Variants in MEF2A observed in about 807,000 individuals in gnomAD.
MEF2A encodes the protein myocyte enhancer factor 2A.
In MEF2A, 28 loss-of-function variants were observed where a neutral mutation model predicts 55.8. The ratio of observed to expected loss-of-function variants is 0.50; its 90% CI spans 0.37 to 0.69. The LOEUF (loss-of-function observed/expected upper bound fraction) is 0.69. Among genes scored for constraint, MEF2A ranks in the 30% least tolerant of loss-of-function variants. MEF2A has a pLI of 0.00. For synonymous variants in MEF2A, 239 were observed against 227.1 expected, an observed-to-expected ratio of 1.05 and a Z score of -0.47; for missense variants, 528 against 626.2, an observed-to-expected ratio of 0.84 and a Z score of 1.67.
intron 1 of MEF2A, among the ~76,000 whole-genome samples, chr15:99,568,983 A>C (rs1187428822): frequency 6.6e-6 from 1 of 152,234 alleles, no homozygotes; most frequent in Non-Finnish European, 1.5e-5. Context: ...TGGAGAAGTG[A>C]GTGCCTTCTC....
At chr15:99,604,012 A>G (rs1386526288) in intron 2 of MEF2A, among the ~76,000 whole-genome samples, 2 of 152,146 alleles carry the variant, frequency 1.3e-5, no homozygotes, top group Non-Finnish European at 2.9e-5. Context: ...AGTTTGTGAA[A>G]TAGTTTGCAT....
chr15:99,621,363 A>G (rs752875150), intron 2 of MEF2A, among the ~76,000 whole-genome samples: 1 of 151,348 alleles, frequency 6.6e-6, no homozygotes, highest in African/African-American at 2.4e-5. Context: ...TTATTTGTAT[A>G]TTTTTCTCAT....
chr15:99,639,722 C>T (rs977778321), intron 3 of MEF2A, among the ~76,000 whole-genome samples: 3 of 151,966 alleles, frequency 2.0e-5, no homozygotes, highest in African/African-American at 7.3e-5. Flanking sequence ...TATACTTTGC[C>T]TTTCCTTCTT....
intron 1 of MEF2A, among the ~76,000 whole-genome samples, chr15:99,584,031 G>T (rs1382871183): frequency 6.6e-6 from 1 of 152,086 alleles, no homozygotes; most frequent in African/African-American, 2.4e-5. Context: ...TTACTCTGCT[G>T]AATAGTGTAG....
chr15:99,654,981 T>C (rs771949586), intron 4 of MEF2A, among the ~76,000 whole-genome samples: 1 of 152,194 alleles, frequency 6.6e-6, no homozygotes, highest in Non-Finnish European at 1.5e-5. Context: ...CCACAGCAGA[T>C]GTTCTAAAAT....
chr15:99,602,521 T>A (rs545455095), intron 2 of MEF2A, among the ~76,000 whole-genome samples: 34 of 152,246 alleles, frequency 2.2e-4, no homozygotes, highest in Non-Finnish European at 2.4e-4. Context: ...AAGCGGCTGA[T>A]CACCAGCTTC....
At chr15:99,649,886 T>C (rs889736972) in intron 4 of MEF2A, among the ~76,000 whole-genome samples, 4 of 152,218 alleles carry the variant, frequency 2.6e-5, no homozygotes, top group Non-Finnish European at 4.4e-5. Context: ...CCATGTTTTT[T>C]CCTGTCATTT....
chr15:99,567,948 G>A (rs551186425), intron 1 of MEF2A, among the ~76,000 whole-genome samples: 3 of 152,274 alleles, frequency 2.0e-5, no homozygotes, highest in South Asian at 4.1e-4. Context: ...TAAAACTGGT[G>A]ATTTGAATGT....
At chr15:99,667,650 A>G (rs1217186368) in intron 4 of MEF2A, among the ~76,000 whole-genome samples, 1 of 152,188 alleles carries the variant, frequency 6.6e-6, no homozygotes, top group East Asian at 1.9e-4. Flanking sequence ...CAAATGTATA[A>G]GCCCACCAAG....
At chr15:99,695,650 G>C (rs768789965) in intron 8 of MEF2A, among the ~76,000 whole-genome samples, 1 of 151,764 alleles carries the variant, frequency 6.6e-6, no homozygotes, top group Non-Finnish European at 1.5e-5. Context: ...ACCTGAGGTC[G>C]AGAGTTCGAG....
chr15:99,712,378 T>G lies in MEF2A; in HGVS notation c.1137-12T>G. On this transcript the variant is annotated splice_polypyrimidine_tract_variant and intron_variant, in intron 11 of 11. Transcript: ENST00000557942. This position sits in a 1 kb window ranked among gnomAD's most constrained non-coding sequence, Gnocchi z 4.1. Reference sequence around the variant, plus strand: ...TGCAAGCCATCTGACCTCTCTCTTTTTTTTCCTTCAGTGCTGGAGGGCAGT... The same window carrying G: ...TGCAAGCCATCTGACCTCTCTCTTTGTTTTCCTTCAGTGCTGGAGGGCAGT... The G allele has an allele frequency of 6.6e-7, 1 of 1,514,346 alleles. No homozygotes were observed. Among genetic ancestry groups the G allele is most frequent in the Non-Finnish European group, 8.9e-7 (1 of 1,124,232 alleles). The allele number at this position is 1,514,346 out of a possible 1,614,324, so 93.8% of individuals were successfully genotyped here. A position where few individuals can be genotyped will look rare whatever the true frequency, so the allele number is the denominator to read the frequency against.
intron 1 of MEF2A, among the ~76,000 whole-genome samples, chr15:99,573,481 T>G (rs1210087843): frequency 1.3e-5 from 2 of 152,220 alleles, no homozygotes; most frequent in Admixed American, 6.5e-5. Flanking sequence ...AAGGGGCATT[T>G]CCTCAGATTC....
chr15:99,666,578 T>TATAATAATAATAATAATAATA (rs55855939), intron 4 of MEF2A, among the ~76,000 whole-genome samples: 3 of 141,258 alleles, frequency 2.1e-5, no homozygotes, highest in East Asian at 2.0e-4. Context: ...GAACTTAAAG[T>TATAATAATAATAATAATAATA]ATAATAATAA....
At chr15:99,586,960 G>T (rs1243328383) in intron 1 of MEF2A, among the ~76,000 whole-genome samples, 1 of 151,328 alleles carries the variant, frequency 6.6e-6, no homozygotes, top group East Asian at 1.9e-4. Context: ...ATTTATTTCT[G>T]GATTCTCTGT....
chr15:99,638,937 T>G (rs1348797621), intron 3 of MEF2A, among the ~76,000 whole-genome samples: 1 of 152,132 alleles, frequency 6.6e-6, no homozygotes, highest in Non-Finnish European at 1.5e-5. Flanking sequence ...TTTAAAGAGG[T>G]ATTTGTTGTA....
chr15:99,640,563 T>TC (rs1478543797), intron 3 of MEF2A, among the ~76,000 whole-genome samples: 1 of 150,234 alleles, frequency 6.7e-6, no homozygotes, highest in South Asian at 2.1e-4. Flanking sequence ...TCTTTTCTTT[T>TC]TTTTTTTTTT....
At chr15:99,645,813 T>C in intron 4 of MEF2A, 49 bp downstream of exon 4, 1 of 1,341,112 alleles carries the variant, frequency 7.5e-7, no homozygotes, top group Non-Finnish European at 1.0e-6. Flanking sequence ...CTGAAATATT[T>C]TGTTTAATAG....
At chr15:99,606,810 T>C (rs1289757990) in intron 2 of MEF2A, among the ~76,000 whole-genome samples, 1 of 152,178 alleles carries the variant, frequency 6.6e-6, no homozygotes, top group Non-Finnish European at 1.5e-5. Context: ...CTGTGATGCA[T>C]TAATTTCTTT....
At chr15:99,707,545 C>G (rs1389436115) in intron 10 of MEF2A, among the ~76,000 whole-genome samples, 2 of 152,090 alleles carry the variant, frequency 1.3e-5, no homozygotes, top group Non-Finnish European at 2.9e-5. Context: ...CGTAGGAGTG[C>G]TTTTAGCCAA....
Sources: allele counts gnomAD v4.1 joint callset (sites outside exome capture counted in the v4.1 genomes callset), GRCh38; gene constraint gnomAD v4.1.1; non-coding constraint Gnocchi (gnomAD v3.1); transcripts MANE v1.5; gene names NCBI Gene and HGNC (gene_info 2026-07-23, HGNC 2026-07-21).